CCDC149: variants seen among roughly 807,000 people sequenced by gnomAD.
The protein encoded by CCDC149 is coiled-coil domain containing 149.
In CCDC149, 45 loss-of-function variants were observed where a neutral mutation model predicts 59.9. The observed-to-expected ratio is 0.75, with a 90% CI of 0.59 to 0.96. The LOEUF is 0.96. Among genes scored for constraint, CCDC149 ranks in the 40% least tolerant of loss-of-function variants. The pLI, the probability that CCDC149 is intolerant of heterozygous loss-of-function variation, is 0.00. For synonymous variants in CCDC149, 245 were observed against 260.6 expected (o/e 0.94, Z 0.58); for missense variants, 584 against 664.7 (o/e 0.88, Z 1.33).
intron 1 of CCDC149, among the ~76,000 whole-genome samples, chr4:24,961,749 C>A (rs1396082139): frequency 6.6e-6 from 1 of 152,168 alleles, no homozygotes; most frequent in African/African-American, 2.4e-5. Context: ...GGAAAACTGG[C>A]TAGCCATATG....
At chr4:24,833,340 T>G (rs553479617) in intron 8 of CCDC149, among the ~76,000 whole-genome samples, 6 of 152,210 alleles carry the variant, frequency 3.9e-5, no homozygotes, top group African/African-American at 1.2e-4. Flanking sequence ...ACAGAATTAT[T>G]TGGCCAGGTG....
chr4:24,909,223 G>A (rs1218659318), intron 1 of CCDC149, among the ~76,000 whole-genome samples: 6 of 152,150 alleles, frequency 3.9e-5, no homozygotes. Flanking sequence ...CGGGGCTCTG[G>A]GCAGGTGATG....
intron 9 of CCDC149, chr4:24,829,789 G>T: frequency 6.6e-6 from 1 of 152,364 alleles, no homozygotes; most frequent in Non-Finnish European, 1.5e-5. Context: ...CCACCCCCCA[G>T]CCGCTGCACC....
intron 9 of CCDC149, among the ~76,000 whole-genome samples, chr4:24,825,060 C>T (rs553805380): frequency 9.2e-5 from 14 of 152,142 alleles, no homozygotes; most frequent in Admixed American, 2.6e-4. Flanking sequence ...GCCAGCAGCA[C>T]GGATAGGTGG....
At chr4:24,918,807 T>C (rs918276976) in intron 1 of CCDC149, among the ~76,000 whole-genome samples, 2 of 152,190 alleles carry the variant, frequency 1.3e-5, no homozygotes, top group Admixed American at 6.5e-5. Context: ...TGTCAGTGTA[T>C]TGGGGCAACT....
intron 1 of CCDC149, among the ~76,000 whole-genome samples, chr4:24,896,139 T>C (rs1235852025): frequency 6.6e-6 from 1 of 152,174 alleles, no homozygotes; most frequent in Non-Finnish European, 1.5e-5. Flanking sequence ...TCTTGCTGAG[T>C]GACCATAAAG....
At chr4:24,976,258 G>A (rs1036985099) in intron 1 of CCDC149, among the ~76,000 whole-genome samples, 2 of 152,182 alleles carry the variant, frequency 1.3e-5, no homozygotes, top group African/African-American at 4.8e-5. Context: ...CATTTATCAA[G>A]GAAAGCAACA....
At chr4:24,905,933 C>T (rs1721483116) in intron 1 of CCDC149, among the ~76,000 whole-genome samples, 1 of 152,222 alleles carries the variant, frequency 6.6e-6, no homozygotes, top group African/African-American at 2.4e-5. Flanking sequence ...CTTGCCCCTT[C>T]TCTCTTTCCC....
intron 1 of CCDC149, among the ~76,000 whole-genome samples, chr4:24,878,045 C>G (rs1415999263): frequency 6.6e-6 from 1 of 152,130 alleles, no homozygotes; most frequent in Non-Finnish European, 1.5e-5. Context: ...GACGCTCACA[C>G]AAAGCAGAGC....
chr4:24,857,768 C>A (rs1259617904), intron 3 of CCDC149, among the ~76,000 whole-genome samples: 4 of 152,180 alleles, frequency 2.6e-5, no homozygotes, highest in Non-Finnish European at 2.9e-5. Flanking sequence ...AAATCGCAAT[C>A]CTCCAAGTGA....
chr4:24,889,979 T>C (rs1196987042), intron 1 of CCDC149, among the ~76,000 whole-genome samples: 3 of 152,182 alleles, frequency 2.0e-5, no homozygotes, highest in African/African-American at 2.4e-5. Flanking sequence ...AGATGAGGTA[T>C]TGAGAGGGTT....
At chr4:24,957,458 T>C (rs1723500263) in intron 1 of CCDC149, among the ~76,000 whole-genome samples, 1 of 152,216 alleles carries the variant, frequency 6.6e-6, no homozygotes, top group African/African-American at 2.4e-5. Context: ...ATGAAGGTGT[T>C]GGCCTAAAAG....
intron 1 of CCDC149, among the ~76,000 whole-genome samples, chr4:24,942,179 A>C (rs1216921627): frequency 1.3e-5 from 2 of 152,228 alleles, no homozygotes; most frequent in African/African-American, 4.8e-5. Flanking sequence ...CCAGCAACAC[A>C]TCAAAAAGCT....
intron 1 of CCDC149, among the ~76,000 whole-genome samples, chr4:24,968,169 CA>C (rs2109365517): frequency 6.6e-6 from 1 of 152,338 alleles, no homozygotes; most frequent in African/African-American, 2.4e-5. Context: ...CATGTGACCA[CA>C]GATGATTTTG....
chr4:24,959,140 A>AT (rs890149463), intron 1 of CCDC149, among the ~76,000 whole-genome samples: 1 of 151,972 alleles, frequency 6.6e-6, no homozygotes, highest in African/African-American at 2.4e-5. Flanking sequence ...CGGCCAGCTA[A>AT]TTTTTTTGTA....
At chr4:24,877,235 G>C (rs1373980403) in intron 1 of CCDC149, among the ~76,000 whole-genome samples, 2 of 152,216 alleles carry the variant, frequency 1.3e-5, no homozygotes, top group Admixed American at 6.5e-5. Context: ...ATCCAGGCTG[G>C]AGTGCAGTGA....
chr4:24,913,144 A>G (rs1722001714), upstream of CCDC149, among the ~76,000 whole-genome samples: 1 of 151,452 alleles, frequency 6.6e-6, no homozygotes, highest in Non-Finnish European at 1.5e-5. Context: ...CAGCCCCGCG[A>G]CCTCGGGCTC....
At chr4:24,833,707 T>C (rs1382362589) in intron 8 of CCDC149, among the ~76,000 whole-genome samples, 1 of 152,236 alleles carries the variant, frequency 6.6e-6, no homozygotes, top group Non-Finnish European at 1.5e-5. Context: ...TGGACATTTA[T>C]TGTGTTTTCA....
intron 1 of CCDC149, among the ~76,000 whole-genome samples, chr4:24,979,792 G>A (rs1448592373): frequency 6.6e-6 from 1 of 152,086 alleles, no homozygotes; most frequent in Admixed American, 6.6e-5. Context: ...AACCTGCCTA[G>A]GGAACTTGCT....
Sources: allele counts gnomAD v4.1 joint callset (sites outside exome capture counted in the v4.1 genomes callset), GRCh38; gene constraint gnomAD v4.1.1; transcripts MANE v1.5; gene names NCBI Gene and HGNC (gene_info 2026-07-23, HGNC 2026-07-21).